Variants in EPN2 observed in about 807,000 individuals in gnomAD.
EPN2 encodes the protein epsin-2.
A neutral mutation model predicts 61.7 loss-of-function variants in EPN2; 34 were observed. That is an observed-to-expected ratio of 0.55 (90% CI 0.42 to 0.73). The LOEUF (loss-of-function observed/expected upper bound fraction) is 0.73, where lower values mean the gene tolerates loss of function less well. EPN2 is among the 30% of genes least tolerant of loss of function. The pLI is 0.00. For missense variants in EPN2, 714 were observed against 839.2 expected (o/e 0.85, Z 1.84); for synonymous variants, 349 against 353.6 (o/e 0.99, Z 0.15).
chr17:19,332,135 T>C (rs976340722), intron 10 of EPN2, 67 bp downstream of exon 10: 79 of 1,209,564 alleles, frequency 6.5e-5, no homozygotes, highest in Middle Eastern at 2.4e-4. Context: ...AGCAGGCCTC[T>C]TGGGGGCTCT....
Position 19,334,011 on chromosome 17 carries a change from G to A in EPN2, c.1683G>A (p.Pro561=), listed in dbSNP as rs753255833. ...CTTTCCAGGTGAACCAGCCCCAGCC[G>A]CTGACACTGAACCAGCTTCGGGGGA... The part of the protein sequence containing the change: ...VNPFQVNQPQ[P]LTLNQLRGSP... The change falls in exon 11 of 11, where the codon CCG becomes CCA. Residue 561 remains proline, a synonymous_variant. Coordinates refer to ENST00000314728, the MANE Select transcript of EPN2 (RefSeq NM_014964.5). This position sits in a 1 kb window ranked among gnomAD's most constrained non-coding sequence, Gnocchi z 4.9. The A allele has an allele frequency of 8.2e-6, 13 of 1,593,088 alleles. No homozygotes were observed. The highest frequency in any genetic ancestry group is 1.7e-4 in the Middle Eastern group (1 of 6,030).
intron 1 of EPN2, among the ~76,000 whole-genome samples, chr17:19,267,317 T>C (rs2045210011): frequency 6.6e-6 from 1 of 152,016 alleles, no homozygotes. Context: ...TAGTGATGAT[T>C]GCACAACATT....
At chr17:19,310,679 G>A (rs1598014509) in intron 5 of EPN2, among the ~76,000 whole-genome samples, 2 of 135,788 alleles carry the variant, frequency 1.5e-5, no homozygotes, top group Non-Finnish European at 3.1e-5. Context: ...CTGGGTTCAA[G>A]TGATTCTCGT....
intron 7 of EPN2, among the ~76,000 whole-genome samples, chr17:19,316,992 T>C (rs1355880367): frequency 6.6e-6 from 1 of 152,000 alleles, no homozygotes; most frequent in African/African-American, 2.4e-5. Context: ...AGAGCAAGAG[T>C]GTGGTATTGG....
intron 1 of EPN2, among the ~76,000 whole-genome samples, chr17:19,265,835 C>T (rs769599117): frequency 2.0e-5 from 3 of 152,220 alleles, no homozygotes; most frequent in East Asian, 1.9e-4. Flanking sequence ...CTCCTGCCTT[C>T]GTCTGGAACC....
intron 4 of EPN2, among the ~76,000 whole-genome samples, chr17:19,300,812 TG>T (rs1205978573): frequency 9.2e-5 from 14 of 152,194 alleles, no homozygotes; most frequent in African/African-American, 3.4e-4. Flanking sequence ...GGAGCTGCTT[TG>T]GCCTCCACAT....
chr17:19,314,067 C>T (rs1906271234), intron 7 of EPN2, among the ~76,000 whole-genome samples: 1 of 152,176 alleles, frequency 6.6e-6, no homozygotes, highest in Non-Finnish European at 1.5e-5. Flanking sequence ...CTGTTTCTCT[C>T]AGAACCGTCT....
intron 1 of EPN2, among the ~76,000 whole-genome samples, chr17:19,241,584 C>CA (rs767439856): frequency 0.011 from 657 of 58,658 alleles, 4 homozygotes; most frequent in African/African-American, 0.017. Context: ...GACTCTGTCT[C>CA]AAAAAAAAAA....
intron 10 of EPN2, among the ~76,000 whole-genome samples, chr17:19,332,621 C>G (rs568971751): frequency 6.6e-6 from 1 of 152,200 alleles, no homozygotes; most frequent in East Asian, 1.9e-4. Context: ...CTCTTCCCTT[C>G]CTGTGTGCAT....
At chr17:19,329,102 C>A in intron 8 of EPN2, 1 of 511,046 alleles carries the variant, frequency 2.0e-6, no homozygotes, top group South Asian at 3.3e-5. Flanking sequence ...TACCTCCCTC[C>A]AAATTGAGGG....
Position 19,237,452 on chromosome 17 carries a change from C to A in EPN2, c.-373C>A, listed in dbSNP as rs1467328535. 1 of 152,054 alleles carries A rather than the reference C, an allele frequency of 6.6e-6. No homozygotes were observed. Among genetic ancestry groups the A allele is most frequent in the African/African-American group, 2.4e-5 (1 of 41,440 alleles). 9.4% of individuals were successfully genotyped at this position (152,054 alleles called of 1,614,324 possible). A position where few individuals can be genotyped will look rare whatever the true frequency, so the allele number is the denominator to read the frequency against. ...CCAGACGCGGCGGTGGCGGCGGCTC[C>A]GCGGGCTACGGTCGCTCCCGCCTCT... On this transcript the variant is annotated 5_prime_UTR_variant, in exon 1 of 11. Coordinates refer to ENST00000314728, the MANE Select transcript of EPN2 (RefSeq NM_014964.5).
At position 19,286,688 on chromosome 17, in the gene EPN2, A is replaced by G. The variant is rs552154979; in HGVS notation, c.766+898A>G. On this transcript the variant is annotated intron_variant, in intron 4 of 10. Coordinates refer to ENST00000314728, the MANE Select transcript of EPN2 (RefSeq NM_014964.5). The stretch of plus-strand genomic sequence containing the variant: ...AACAGTTACAGTTCATTCATGCCTC[A>G]TTAATATTACAGCTTGTTTGACTTG... Among the ~76,000 whole-genome samples the G allele has an allele frequency of 1.8e-4, 28 of 152,332 alleles. No homozygotes were observed. In the South Asian group the frequency reaches 5.8e-3, roughly 32 times the overall value.
chr17:19,300,205 G>T (rs552256553), intron 4 of EPN2, among the ~76,000 whole-genome samples: 4 of 152,164 alleles, frequency 2.6e-5, no homozygotes, highest in African/African-American at 7.2e-5. Context: ...AAAGAAACAG[G>T]GACTTAGGAG....
intron 1 of EPN2, among the ~76,000 whole-genome samples, chr17:19,242,033 C>G (rs545461892): frequency 6.6e-6 from 1 of 151,528 alleles, no homozygotes; most frequent in Non-Finnish European, 1.5e-5. Flanking sequence ...AGATTTCTGG[C>G]TCTTTCCTAA....
At chr17:19,266,968 C>T (rs879622302) in intron 1 of EPN2, among the ~76,000 whole-genome samples, 3 of 147,330 alleles carry the variant, frequency 2.0e-5, no homozygotes, top group African/African-American at 5.0e-5. Flanking sequence ...AGACGGATCA[C>T]GAGGTCAGGA....
At chr17:19,239,978 C>T (rs116466245) in intron 1 of EPN2, among the ~76,000 whole-genome samples, 176 of 151,098 alleles carry the variant, frequency 1.2e-3, no homozygotes, top group African/African-American at 4.1e-3. Flanking sequence ...GAAAAGTTTT[C>T]GGACTTTTTT....
At chr17:19,318,828 C>T (rs1269241652) in intron 7 of EPN2, among the ~76,000 whole-genome samples, 1 of 151,954 alleles carries the variant, frequency 6.6e-6, no homozygotes, top group Non-Finnish European at 1.5e-5. Flanking sequence ...GTGCTGCTGG[C>T]TCATGGAGAG....
At chr17:19,301,922 G>A (rs1013759030) in intron 4 of EPN2, among the ~76,000 whole-genome samples, 3 of 152,244 alleles carry the variant, frequency 2.0e-5, no homozygotes, top group African/African-American at 7.2e-5. Context: ...GTAACTGACT[G>A]AGGGTGCAAA....
chr17:19,296,589 C>T (rs1598004110), intron 4 of EPN2: 1 of 152,082 alleles, frequency 6.6e-6, no homozygotes, highest in Non-Finnish European at 1.5e-5. Flanking sequence ...CTGTTATTCA[C>T]ATGTTGGTGT....
Sources: allele counts gnomAD v4.1 joint callset (sites outside exome capture counted in the v4.1 genomes callset), GRCh38; gene constraint gnomAD v4.1.1; non-coding constraint Gnocchi (gnomAD v3.1); transcripts MANE v1.5; gene names NCBI Gene and HGNC (gene_info 2026-07-23, HGNC 2026-07-21).